Variants in CIMAP3 observed in about 807,000 individuals in gnomAD.
The protein encoded by CIMAP3 is ciliary microtubule-associated protein 3.
At chr1:111,333,919 C>G in the CIMAP3 span, among the ~76,000 whole-genome samples, 1 of 152,314 alleles carries the variant, frequency 6.6e-6, no homozygotes, top group South Asian at 2.1e-4. Flanking sequence ...AAGGCCTGGT[C>G]TGTCATTCTC....
the CIMAP3 span, chr1:111,346,885 G>A: frequency 1.2e-6 from 2 of 1,610,982 alleles, no homozygotes; most frequent in East Asian, 2.2e-5. Context: ...CGTCCCTCAC[G>A]TGGAGCCTCT....
chr1:111,338,241 G>A, the CIMAP3 span, among the ~76,000 whole-genome samples: 3 of 152,006 alleles, frequency 2.0e-5, no homozygotes, highest in Non-Finnish European at 4.4e-5. Context: ...ACAAGAGAAA[G>A]AAGGAAACAT....
the CIMAP3 span, chr1:111,348,224 A>C: frequency 7.8e-6 from 2 of 256,008 alleles, no homozygotes; most frequent in Non-Finnish European, 1.5e-5. Context: ...TACTATCTCT[A>C]AAAATCTCTC....
At chr1:111,324,846 C>T in the CIMAP3 span, 2 of 985,220 alleles carry the variant, frequency 2.0e-6, no homozygotes, top group Non-Finnish European at 2.4e-6. Context: ...GCAACAAAAC[C>T]ATATCATGGA....
chr1:111,332,866 G>A, the CIMAP3 span, among the ~76,000 whole-genome samples: 18 of 152,268 alleles, frequency 1.2e-4, no homozygotes, highest in East Asian at 1.2e-3. Flanking sequence ...CTCCAGGGGC[G>A]GCCTGTGAAT....
the CIMAP3 span, chr1:111,346,821 G>C: frequency 6.3e-7 from 1 of 1,580,932 alleles, no homozygotes; most frequent in South Asian, 1.1e-5. Flanking sequence ...CCTGTCCTCT[G>C]CTCAGTCTCC....
the CIMAP3 span, among the ~76,000 whole-genome samples, chr1:111,342,670 C>A: frequency 0.01 from 1,546 of 152,272 alleles, 30 homozygotes; most frequent in African/African-American, 0.035. Context: ...TATTTCTCCC[C>A]CCAGGCACTG....
chr1:111,324,919 T>C, the CIMAP3 span: 4 of 951,428 alleles, frequency 4.2e-6, no homozygotes, highest in East Asian at 1.2e-4. Flanking sequence ...CTAGTAGATG[T>C]ATGAAAACTC....
At chr1:111,343,584 C>T in the CIMAP3 span, among the ~76,000 whole-genome samples, 2 of 152,254 alleles carry the variant, frequency 1.3e-5, no homozygotes, top group African/African-American at 2.4e-5. Context: ...GGTCATCATT[C>T]AAAAACTGGC....
chr1:111,341,415 G>T, the CIMAP3 span, among the ~76,000 whole-genome samples: 1 of 152,074 alleles, frequency 6.6e-6, no homozygotes, highest in African/African-American at 2.4e-5. Flanking sequence ...GAAAATATCA[G>T]ATATATAGAA....
At chr1:111,335,060 G>A in the CIMAP3 span, among the ~76,000 whole-genome samples, 2 of 144,342 alleles carry the variant, frequency 1.4e-5, no homozygotes. Context: ...CATGGGAGGA[G>A]GAGGTTGCAG....
the CIMAP3 span, among the ~76,000 whole-genome samples, chr1:111,332,622 T>A: frequency 1.3e-5 from 2 of 152,094 alleles, no homozygotes; most frequent in Non-Finnish European, 2.9e-5. Context: ...GGCATGTAGG[T>A]TCAAGGTCTA....
At chr1:111,343,837 G>A in the CIMAP3 span, among the ~76,000 whole-genome samples, 8 of 152,206 alleles carry the variant, frequency 5.3e-5, no homozygotes, top group African/African-American at 1.7e-4. Context: ...CTTTCCTTGA[G>A]TATACTGGGA....
At chr1:111,334,948 C>A in the CIMAP3 span, among the ~76,000 whole-genome samples, 1 of 151,650 alleles carries the variant, frequency 6.6e-6, no homozygotes, top group African/African-American at 2.4e-5. Flanking sequence ...GCCAACATGG[C>A]AAAACCCTGT....
the CIMAP3 span, chr1:111,349,142 G>A: frequency 1.3e-5 from 2 of 152,858 alleles, no homozygotes; most frequent in Non-Finnish European, 2.9e-5. Context: ...GGTAAAACAG[G>A]ATGACAATGT....
the CIMAP3 span, among the ~76,000 whole-genome samples, chr1:111,334,907 C>G: frequency 2.0e-5 from 3 of 151,882 alleles, no homozygotes; most frequent in Non-Finnish European, 4.4e-5. Flanking sequence ...GTTGGCAGAT[C>G]ACTTGAGCTC....
chr1:111,348,437 G>A, the CIMAP3 span: 1 of 1,353,364 alleles, frequency 7.4e-7, no homozygotes, highest in East Asian at 2.5e-5. Context: ...GGATGATTCT[G>A]TTTTTTCTAC....
chr1:111,330,127 A>G, the CIMAP3 span, among the ~76,000 whole-genome samples: 3 of 152,092 alleles, frequency 2.0e-5, no homozygotes, highest in Admixed American at 6.6e-5. Context: ...GGGTTTTGCT[A>G]TCCTCCTGAA....
At chr1:111,327,917 C>T in the CIMAP3 span, among the ~76,000 whole-genome samples, 4 of 152,048 alleles carry the variant, frequency 2.6e-5, no homozygotes, top group South Asian at 4.1e-4. Flanking sequence ...GTTCTTGCTT[C>T]TCTAATTCTT....
Sources: allele counts gnomAD v4.1 joint callset (sites outside exome capture counted in the v4.1 genomes callset), GRCh38; gene constraint gnomAD v4.1.1; transcripts MANE v1.5; gene names NCBI Gene and HGNC (gene_info 2026-07-23, HGNC 2026-07-21).